GOPC: variants seen among roughly 807,000 people sequenced by gnomAD.
GOPC encodes the protein Golgi-associated PDZ and coiled-coil motif-containing protein.
GOPC carries 32 observed loss-of-function variants against 51.2 expected under a neutral mutation model. The ratio of observed to expected loss-of-function variants is 0.63; its 90% CI spans 0.47 to 0.84. GOPC has a LOEUF of 0.84. GOPC is among the 40% of genes least tolerant of loss of function. The pLI, the probability that GOPC is intolerant of heterozygous loss-of-function variation, is 0.00. For missense variants in GOPC, 441 were observed against 555.5 expected (o/e 0.79, Z 2.07); for synonymous variants, 190 against 205.1 (o/e 0.93, Z 0.63).
chr6:117,592,979 T>C (rs182962020), intron 1 of GOPC, among the ~76,000 whole-genome samples: 233 of 152,342 alleles, frequency 1.5e-3, no homozygotes, highest in African/African-American at 5.5e-3. Flanking sequence ...TCCTTTGCTA[T>C]AACATTGAAT....
At position 117,571,021 on chromosome 6, in the gene GOPC, C is replaced by T. The variant is rs560907253; in HGVS notation, c.817-66G>A. 6.6e-5 allele frequency: 47 copies of T among 708,974 alleles called. No homozygotes were observed. The East Asian group carries it at 1.2e-3, about 17-fold the overall frequency. The allele number at this position is 708,974 out of a possible 1,614,324, so 43.9% of individuals were successfully genotyped here. A position where few individuals can be genotyped will look rare whatever the true frequency, so the allele number is the denominator to read the frequency against. On this transcript the variant is annotated intron_variant, in intron 5 of 8. Coordinates refer to ENST00000368498, the MANE Select transcript of GOPC (RefSeq NM_020399.4). ...AATAGCATACCAAATAGAGTAAACTCATACTATATAACTTGCTTTTAGAAA... is the reference window on the plus strand; with the variant it reads ...AATAGCATACCAAATAGAGTAAACTTATACTATATAACTTGCTTTTAGAAA...
intron 2 of GOPC, 44 bp from the exon 3 acceptor site, chr6:117,577,515 A>G (rs750491549): frequency 2.0e-6 from 3 of 1,492,930 alleles, no homozygotes; most frequent in Admixed American, 1.9e-5. Context: ...AAAAGATCAA[A>G]CAAATGATTT....
Position 117,563,249 on chromosome 6 carries a change from T to C in GOPC, c.*5A>G. 2 of 1,611,482 alleles carry C rather than the reference T, an allele frequency of 1.2e-6. No individual in the cohort carries two copies. The highest frequency in any genetic ancestry group is 1.7e-6 in the Non-Finnish European group (2 of 1,178,150). On this transcript the variant is annotated 3_prime_UTR_variant, in exon 9 of 9. Transcript: ENST00000368498. ...TTAACAATCTTGTCTGGAGATATGGTCAATTTAATAAGATTTTTTATGATA... is the reference window on the plus strand; with the variant it reads ...TTAACAATCTTGTCTGGAGATATGGCCAATTTAATAAGATTTTTTATGATA...
At position 117,561,108 on chromosome 6, in the gene GOPC, T is replaced by TGAA; in HGVS notation, c.*2143_*2145dup. On this transcript the variant is annotated 3_prime_UTR_variant, in exon 9 of 9. Transcript: ENST00000368498. Reference sequence around the variant, plus strand: ...TCTCCCGTAGGCTTATAAACCACAGTGAAGCAGGAATGAAAAGGAAACTGA... The same window carrying TGAA: ...TCTCCCGTAGGCTTATAAACCACAGTGAAGAAGCAGGAATGAAAAGGAAACTGA... 4.5e-6 allele frequency: 1 copy of TGAA among 223,434 alleles called. No homozygotes were observed. Among genetic ancestry groups the TGAA allele is most frequent in the Non-Finnish European group, 8.9e-6 (1 of 111,972 alleles). 13.8% of individuals were successfully genotyped at this position (223,434 alleles called of 1,614,324 possible).
chr6:117,599,847 G>C (rs9401014), intron 1 of GOPC, among the ~76,000 whole-genome samples: 82,129 of 151,990 alleles, frequency 0.54, 22,982 homozygotes, highest in East Asian at 0.79. Flanking sequence ...GCCTCCTACT[G>C]AGAAAATTAT....
chr6:117,563,367 C>A lies in GOPC; in HGVS notation c.1276G>T (p.Val426Leu), dbSNP rs775795344. ...TCTCCATTTTCATGTGTGTCAGTTA[C>A]TGCCTTCTTATTAAATCCTGAAAGA... ...KVLQGFNKKA[V>L]TDTHENGDLG... The change falls in exon 9 of 9, where the codon GTA (valine) becomes TTA (leucine). Residue 426 changes from valine to leucine, a missense_variant. Transcript: ENST00000368498. The A allele has an allele frequency of 1.2e-6, 2 of 1,613,370 alleles. No homozygotes were observed. The highest frequency in any genetic ancestry group is 1.7e-6 in the Non-Finnish European group (2 of 1,179,718).
At position 117,573,466 on chromosome 6, in the gene GOPC, C is replaced by T; in HGVS notation, c.816+1G>A. The stretch of plus-strand genomic sequence containing the variant: ...GGGAAGCAGCAGCAAAGCAAACATA[C>T]ATGGCCTGGTGGTGCTTGCATTGGT... On this transcript the variant is annotated splice_donor_variant, in intron 5 of 8. Coordinates refer to ENST00000368498, the MANE Select transcript of GOPC (RefSeq NM_020399.4). LOFTEE classifies it high-confidence loss of function. 6.2e-7 allele frequency: 1 copy of T among 1,611,748 alleles called. No homozygotes were observed.
chr6:117,592,616 GTC>G (rs1249434366), intron 1 of GOPC, among the ~76,000 whole-genome samples: 1 of 151,996 alleles, frequency 6.6e-6, no homozygotes, highest in Non-Finnish European at 1.5e-5. Flanking sequence ...GGCCTTTTCT[GTC>G]TCCTATCAGC....
chr6:117,598,196 T>TAAAAAAAAAAA (rs532086597), intron 1 of GOPC, among the ~76,000 whole-genome samples: 1 of 126,610 alleles, frequency 7.9e-6, no homozygotes, highest in Admixed American at 8.0e-5. Context: ...CCATCTCTAC[T>TAAAAAAAAAAA]AAAAAAAAAA....
At chr6:117,591,749 G>C (rs941897196) in intron 1 of GOPC, among the ~76,000 whole-genome samples, 2 of 152,110 alleles carry the variant, frequency 1.3e-5, no homozygotes, top group African/African-American at 4.8e-5. Flanking sequence ...AAGAGATAAG[G>C]AGAGACAGAC....
At chr6:117,592,874 C>T (rs1583064111) in intron 1 of GOPC, among the ~76,000 whole-genome samples, 1 of 152,132 alleles carries the variant, frequency 6.6e-6, no homozygotes, top group Admixed American at 6.6e-5. Context: ...TTATCAAATC[C>T]TGTCAATTCT....
At chr6:117,564,044 T>C (rs1182464138) in intron 8 of GOPC, among the ~76,000 whole-genome samples, 1 of 151,738 alleles carries the variant, frequency 6.6e-6, no homozygotes, top group Non-Finnish European at 1.5e-5. Context: ...GTGGCATGAT[T>C]ACGGCTCACT....
intron 1 of GOPC, among the ~76,000 whole-genome samples, chr6:117,583,193 G>A (rs141582531): frequency 6.6e-6 from 1 of 152,342 alleles, no homozygotes; most frequent in East Asian, 1.9e-4. Context: ...AAAGCAGCCA[G>A]CCAGTTCTCA....
rs1779864472 is a variant in GOPC at position 117,575,316 on chromosome 6, T to C, written c.511A>G (p.Lys171Glu). The C allele has an allele frequency of 1.2e-6, 2 of 1,611,890 alleles. No individual in the cohort carries two copies. Among genetic ancestry groups the C allele is most frequent in the East Asian group, 2.2e-5 (1 of 44,856 alleles). The change falls in exon 4 of 9, where the codon AAA becomes GAA. Residue 171 changes from lysine (K) to glutamate (E), a missense_variant. Around this residue, in one of 3 missense-constraint regions of GOPC, gnomAD observed 204 missense variants for 219.8 expected, o/e 0.93. Coordinates refer to ENST00000368498, the MANE Select transcript of GOPC (RefSeq NM_020399.4). ...ELEANKKEKM[K>E]EAQLEAEVKL... ...ACTTCAGCTTCAAGTTGTGCTTCTT[T>C]CATTTTTTCTTTTTTGTTTGCCTCA...
chr6:117,598,123 T>C (rs1234811842), intron 1 of GOPC, among the ~76,000 whole-genome samples: 1 of 150,208 alleles, frequency 6.7e-6, no homozygotes, highest in African/African-American at 2.5e-5. Context: ...TTTCGAGAGG[T>C]TGAGGCAGGA....
At chr6:117,593,197 C>T (rs1780144461) in intron 1 of GOPC, among the ~76,000 whole-genome samples, 1 of 152,088 alleles carries the variant, frequency 6.6e-6, no homozygotes, top group Non-Finnish European at 1.5e-5. Context: ...CTACTAGCCT[C>T]ATGCTCTTAC....
At position 117,563,860 on chromosome 6, in the gene GOPC, CAG is replaced by C. The variant is rs1246657985; in HGVS notation, c.1259-478_1259-477del. Among the ~76,000 whole-genome samples the C allele has an allele frequency of 2.0e-5, 3 of 152,056 alleles. 1 individual carries two copies. Among genetic ancestry groups the C allele is most frequent in the Admixed American group, 1.3e-4 (2 of 15,276 alleles). On this transcript the variant is annotated intron_variant, in intron 8 of 8. Transcript: ENST00000368498. ...TATTAATCAAATCAGTAATTCCTAA[CAG>C]GGGAATTCTTCCCTCTTATGGCAGG...
chr6:117,571,798 A>G (rs919702162), intron 5 of GOPC, among the ~76,000 whole-genome samples: 1 of 152,098 alleles, frequency 6.6e-6, no homozygotes, highest in Non-Finnish European at 1.5e-5. Flanking sequence ...TCAAACTTGC[A>G]GAAAGTTGAT....
chr6:117,565,233 T>C (rs1779671928), intron 8 of GOPC, among the ~76,000 whole-genome samples: 1 of 152,212 alleles, frequency 6.6e-6, no homozygotes, highest in South Asian at 2.1e-4. Context: ...TCAATGGCTT[T>C]GTAGATGATA....
Sources: gnomAD v4.1 joint callset for allele counts (sites outside exome capture counted in the v4.1 genomes callset) on GRCh38, gnomAD v4.1.1 for gene constraint, gnomAD v4.1.1 regional missense constraint, MANE v1.5 for transcripts, NCBI Gene and HGNC (gene_info 2026-07-23, HGNC 2026-07-21) for gene names.